Variants in EXOC4 observed in about 807,000 individuals in gnomAD.
The protein encoded by EXOC4 is SEC8-like 1.
EXOC4 carries 71 observed loss-of-function variants against 107.2 expected under a neutral mutation model. The ratio of observed to expected loss-of-function variants is 0.66; its 90% CI spans 0.55 to 0.81. EXOC4 has a LOEUF of 0.81. Ranked by LOEUF, EXOC4 falls within the 30% of genes least tolerant of loss-of-function variation. The pLI is 0.00. For missense variants in EXOC4, 1,108 were observed against 1,189.6 expected (o/e 0.93, Z 1.01); for synonymous variants, 456 against 441.2 (o/e 1.03, Z -0.42).
At chr7:133,482,378 C>T (rs1355287593) in intron 9 of EXOC4, among the ~76,000 whole-genome samples, 3 of 151,992 alleles carry the variant, frequency 2.0e-5, no homozygotes, top group Admixed American at 6.6e-5. Context: ...ACATAGGGAC[C>T]GAGGACCTCT....
At chr7:133,476,872 G>A (rs1337583250) in intron 8 of EXOC4, among the ~76,000 whole-genome samples, 1 of 152,072 alleles carries the variant, frequency 6.6e-6, no homozygotes, top group African/African-American at 2.4e-5. Flanking sequence ...TCTCTGCATT[G>A]CCATCCTCAA....
chr7:134,033,119 A>T (rs538704367), intron 17 of EXOC4, among the ~76,000 whole-genome samples: 1 of 152,340 alleles, frequency 6.6e-6, no homozygotes, highest in African/African-American at 2.4e-5. Context: ...GGGAAAAGGA[A>T]ACCCTCAGTC....
intron 1 of EXOC4, among the ~76,000 whole-genome samples, chr7:133,266,482 CT>C (rs1793733187): frequency 6.6e-6 from 1 of 152,206 alleles, no homozygotes; most frequent in Non-Finnish European, 1.5e-5. Flanking sequence ...TACAGATAGT[CT>C]TGAGGCTCGG....
At chr7:133,594,447 A>ATTTGTT in intron 9 of EXOC4, among the ~76,000 whole-genome samples, 1 of 143,566 alleles carries the variant, frequency 7.0e-6, no homozygotes, top group Admixed American at 7.0e-5. Flanking sequence ...TGGAGGTTAC[A>ATTTGTT]TTTGTTATGG....
chr7:133,350,235 A>T (rs1795877540), intron 5 of EXOC4, among the ~76,000 whole-genome samples: 1 of 152,140 alleles, frequency 6.6e-6, no homozygotes, highest in African/African-American at 2.4e-5. Flanking sequence ...CATATCCAAA[A>T]AAATCATTAC....
intron 10 of EXOC4, among the ~76,000 whole-genome samples, chr7:133,783,922 G>T (rs547234154): frequency 2.0e-5 from 3 of 152,066 alleles, no homozygotes; most frequent in Admixed American, 6.6e-5. Context: ...GTTTATTTTT[G>T]ATGTGGTTTG....
intron 9 of EXOC4, among the ~76,000 whole-genome samples, chr7:133,620,537 A>G (rs1802304827): frequency 1.3e-5 from 2 of 152,316 alleles, no homozygotes; most frequent in South Asian, 4.1e-4. Context: ...TATTTAATCC[A>G]AACAGTAGAG....
intron 9 of EXOC4, among the ~76,000 whole-genome samples, chr7:133,493,689 A>C (rs1270944484): frequency 6.6e-6 from 1 of 152,038 alleles, no homozygotes; most frequent in Non-Finnish European, 1.5e-5. Flanking sequence ...TCTCTGACAG[A>C]AGTCTTTCTA....
intron 17 of EXOC4, among the ~76,000 whole-genome samples, chr7:134,008,362 G>T (rs796919554): frequency 7.9e-5 from 12 of 151,884 alleles, no homozygotes; most frequent in African/African-American, 2.9e-4. Flanking sequence ...ATTTTTCCAC[G>T]TTCGTTAATA....
intron 9 of EXOC4, among the ~76,000 whole-genome samples, chr7:133,583,179 A>G (rs957711178): frequency 4.0e-5 from 6 of 151,710 alleles, no homozygotes; most frequent in Admixed American, 2.0e-4. Flanking sequence ...CTTTATTTAC[A>G]TTTTATTTCT....
intron 2 of EXOC4, among the ~76,000 whole-genome samples, chr7:133,284,052 C>T (rs755421063): frequency 9.9e-5 from 15 of 152,138 alleles, no homozygotes; most frequent in African/African-American, 1.9e-4. Flanking sequence ...AGCTTTGTTA[C>T]CTCGGTTTAG....
intron 9 of EXOC4, among the ~76,000 whole-genome samples, chr7:133,535,626 G>GGAA (rs1420537965): frequency 6.6e-6 from 1 of 152,134 alleles, no homozygotes; most frequent in African/African-American, 2.4e-5. Context: ...ACTGTTTTAT[G>GGAA]GAAAGCAATT....
In EXOC4 at chr7:134,053,250, A is replaced by G. The variant is rs189538366; in HGVS notation, c.2688-11041A>G. ...GAAACTCCATCTCAAAAAAAAAAAA[A>G]AAGAAGAAGAATTCAGCCCTGCTCC... On this transcript the variant is annotated intron_variant, in intron 17 of 17. Transcript: ENST00000253861. Among the ~76,000 whole-genome samples, 1,102 of 146,290 alleles carry G rather than the reference A, an allele frequency of 7.5e-3. 12 individuals carry two copies. Among genetic ancestry groups the G allele is most frequent in the African/African-American group, 0.026 (943 of 36,600 alleles).
chr7:133,609,857 C>T lies in EXOC4; in HGVS notation c.1418-20188C>T, dbSNP rs968837040. Among the ~76,000 whole-genome samples, 18 of 152,168 alleles carry T rather than the reference C, an allele frequency of 1.2e-4. 1 individual carries two copies. Among genetic ancestry groups the T allele is most frequent in the African/African-American group, 4.3e-4 (18 of 41,444 alleles). Reference sequence around the variant, plus strand: ...ATGGGTGTAGTTACACAACAGAAATCAGCAAATGCTACAACAGGACTCTAG... The same window carrying T: ...ATGGGTGTAGTTACACAACAGAAATTAGCAAATGCTACAACAGGACTCTAG... On this transcript the variant is annotated intron_variant, in intron 9 of 17. Transcript: ENST00000253861.
intron 7 of EXOC4, among the ~76,000 whole-genome samples, chr7:133,450,287 C>A (rs1158171691): frequency 6.6e-6 from 1 of 152,104 alleles, no homozygotes; most frequent in African/African-American, 2.4e-5. Flanking sequence ...CCTCAGGCTC[C>A]TTGAGTAGTT....
chr7:133,280,954 G>A (rs922301961), intron 2 of EXOC4, among the ~76,000 whole-genome samples: 3 of 152,196 alleles, frequency 2.0e-5, no homozygotes, highest in South Asian at 2.1e-4. Flanking sequence ...TTTTAAATGC[G>A]TGCAGCACTC....
chr7:133,941,185 G>A (rs1037391230), intron 14 of EXOC4, among the ~76,000 whole-genome samples: 4 of 151,960 alleles, frequency 2.6e-5, no homozygotes, highest in Non-Finnish European at 5.9e-5. Context: ...TTTTAGTAGA[G>A]GCAGGGTTTC....
At chr7:134,070,091 G>A (rs1330590850), downstream of EXOC4, among the ~76,000 whole-genome samples, 1 of 152,188 alleles carries the variant, frequency 6.6e-6, no homozygotes, top group Non-Finnish European at 1.5e-5. Flanking sequence ...ACACCTGAGA[G>A]CGATTGTCTT....
At chr7:133,821,568 C>A (rs1388853881) in intron 11 of EXOC4, among the ~76,000 whole-genome samples, 1 of 152,056 alleles carries the variant, frequency 6.6e-6, no homozygotes, top group African/African-American at 2.4e-5. Flanking sequence ...TGGGTTTTAA[C>A]ATTTCTTTTT....
Sources: allele counts gnomAD v4.1 joint callset (sites outside exome capture counted in the v4.1 genomes callset), GRCh38; gene constraint gnomAD v4.1.1; transcripts MANE v1.5; gene names NCBI Gene and HGNC (gene_info 2026-07-23, HGNC 2026-07-21).